BCAT1: variants seen among roughly 807,000 people sequenced by gnomAD.
The protein encoded by BCAT1 is branched-chain-amino-acid aminotransferase, cytosolic.
In BCAT1, 48 loss-of-function variants were observed where a neutral mutation model predicts 52.4. The observed-to-expected ratio is 0.92, with a 90% CI of 0.73 to 1.16. BCAT1 has a LOEUF of 1.16. Among genes scored for constraint, BCAT1 ranks in the 50% most tolerant of loss-of-function variants. The pLI, the probability that BCAT1 is intolerant of heterozygous loss-of-function variation, is 0.00. For synonymous variants in BCAT1, 167 were observed against 161.3 expected, an observed-to-expected ratio of 1.04 and a Z score of -0.27; for missense variants, 451 against 457.1, an observed-to-expected ratio of 0.99 and a Z score of 0.12.
intron 1 of BCAT1, among the ~76,000 whole-genome samples, chr12:24,941,004 C>T (rs1943839669): frequency 1.3e-5 from 2 of 152,302 alleles, no homozygotes; most frequent in Middle Eastern, 3.4e-3. Flanking sequence ...CAAAGAAAAA[C>T]ATGTTGAACA....
In BCAT1 at chr12:24,814,802, G is replaced by GTTTT. The variant is rs796259272; in HGVS notation, c.*3202_*3205dup. On this transcript the variant is annotated 3_prime_UTR_variant, in exon 11 of 11. Coordinates refer to ENST00000261192, the MANE Select transcript of BCAT1 (RefSeq NM_005504.7). ...CTACTGCCTGCCTCTGCCTCTGTTT[G>GTTTT]TTTTTTTTTTTTTTTTTTGTCTTAC... 5.3e-5 allele frequency: 3 copies of GTTTT among 56,844 alleles called. No individual in the cohort carries two copies. The highest frequency in any genetic ancestry group is 1.0e-4 in the African/African-American group (2 of 19,724). The allele number at this position is 56,844 out of a possible 1,614,324, so 3.5% of individuals were successfully genotyped here.
chr12:24,925,064 A>C (rs1243095305), intron 1 of BCAT1, among the ~76,000 whole-genome samples: 3 of 152,224 alleles, frequency 2.0e-5, no homozygotes, highest in African/African-American at 7.2e-5. Context: ...TATAGTGCCC[A>C]ATTGCTTAGA....
intron 6 of BCAT1, among the ~76,000 whole-genome samples, chr12:24,845,106 C>CG (rs1203650840): frequency 5.3e-5 from 8 of 151,078 alleles, no homozygotes; most frequent in Admixed American, 4.6e-4. Context: ...CCCACCTACT[C>CG]GGGAGGCTGA....
At chr12:24,850,533 C>T (rs1941476642) in intron 5 of BCAT1, among the ~76,000 whole-genome samples, 1 of 152,170 alleles carries the variant, frequency 6.6e-6, no homozygotes, top group Admixed American at 6.5e-5. Flanking sequence ...CCTACAGCTG[C>T]CTCATTACAT....
intron 1 of BCAT1, among the ~76,000 whole-genome samples, chr12:24,919,816 G>A (rs571083946): frequency 1.3e-5 from 2 of 152,134 alleles, no homozygotes; most frequent in Non-Finnish European, 2.9e-5. Flanking sequence ...TCATGGGGGC[G>A]GTTTCCCCCA....
chr12:24,814,430 A>C lies in BCAT1; in HGVS notation c.*3578T>G, dbSNP rs1031111716. 1 of 146,334 alleles carries C rather than the reference A, an allele frequency of 6.8e-6. No individual in the cohort carries two copies. The highest frequency in any genetic ancestry group is 1.5e-5 in the Non-Finnish European group (1 of 66,296). The allele number at this position is 146,334 out of a possible 1,614,324, so 9.1% of individuals were successfully genotyped here. Reference sequence around the variant, plus strand: ...ATATGCAACTTGAAAAAAAAAAAGGAAACAGAATATAGTGACTGAGCACTG... The same window carrying C: ...ATATGCAACTTGAAAAAAAAAAAGGCAACAGAATATAGTGACTGAGCACTG... On this transcript the variant is annotated 3_prime_UTR_variant, in exon 11 of 11. Coordinates refer to ENST00000261192, the MANE Select transcript of BCAT1 (RefSeq NM_005504.7).
chr12:24,834,667 A>G (rs1460785934), intron 8 of BCAT1: 1 of 998,468 alleles, frequency 1.0e-6, no homozygotes, highest in African/African-American at 1.7e-5. Flanking sequence ...TTGGAAGAGC[A>G]GGAAAATATA....
At chr12:24,885,632 G>A (rs78182508) in intron 3 of BCAT1, among the ~76,000 whole-genome samples, 9,051 of 152,208 alleles carry the variant, frequency 0.059, 349 homozygotes, top group Non-Finnish European at 0.079. Context: ...AAAGTAGAAG[G>A]ACCCTTCCTA....
rs116457637 is a variant in BCAT1, at chr12:24,911,105, A to C, written c.7-9220T>G. 5.5e-3 allele frequency among the ~76,000 whole-genome samples: 836 copies of C among 152,278 alleles called. 4 individuals carry two copies. The highest frequency in any genetic ancestry group is 0.018 in the African/African-American group (751 of 41,544). ...TGACAGAGTGAGACTGTCTTAAAAA[A>C]AAAAAAAAATTGAAAAAATATTAGT... On this transcript the variant is annotated intron_variant, in intron 1 of 10. Transcript: ENST00000261192.
At chr12:24,941,567 A>T (rs573129727) in intron 1 of BCAT1, among the ~76,000 whole-genome samples, 1 of 152,358 alleles carries the variant, frequency 6.6e-6, no homozygotes, top group East Asian at 1.9e-4. Context: ...TAACTCAACC[A>T]ATATCTGTAA....
chr12:24,828,034 G>A (rs775005130), intron 10 of BCAT1, among the ~76,000 whole-genome samples: 1 of 152,050 alleles, frequency 6.6e-6, no homozygotes, highest in East Asian at 1.9e-4. Context: ...TTATAGGTGT[G>A]AGCCACTGCA....
At chr12:24,926,457 T>G (rs1943588657) in intron 1 of BCAT1, among the ~76,000 whole-genome samples, 2 of 152,128 alleles carry the variant, frequency 1.3e-5, no homozygotes, top group South Asian at 4.1e-4. Flanking sequence ...GTCTGGGAGG[T>G]GTACCCAACA....
At chr12:24,887,080 A>AATATATATATATATATATATAT (rs71063368) in intron 3 of BCAT1, among the ~76,000 whole-genome samples, 3 of 40,748 alleles carry the variant, frequency 7.4e-5, no homozygotes, top group African/African-American at 2.3e-4. Flanking sequence ...AAAAAAAAAA[A>AATATATATATATATATATATAT]ATATATATAT....
Position 24,888,137 on chromosome 12 carries a change from G to A in BCAT1, c.279+6138C>T, listed in dbSNP as rs375454526. Among the ~76,000 whole-genome samples, 43 of 152,206 alleles carry A rather than the reference G, an allele frequency of 2.8e-4. No individual in the cohort carries two copies. In the East Asian group the frequency reaches 3.5e-3, roughly 12 times the overall value. On this transcript the variant is annotated intron_variant, in intron 3 of 10. Coordinates refer to ENST00000261192, the MANE Select transcript of BCAT1 (RefSeq NM_005504.7). ...AGCCTGAAACATAAATGGACTAGAT[G>A]TTTCACCACAATATTTGGGAAGAAA...
In BCAT1 at chr12:24,898,601, C is replaced by T. The variant is rs570831519; in HGVS notation, c.78+3213G>A. Among the ~76,000 whole-genome samples, 6 of 143,346 alleles carry T rather than the reference C, an allele frequency of 4.2e-5. No homozygotes were observed. In the East Asian group the frequency reaches 8.7e-4, roughly 21 times the overall value. The allele number at this position is 143,346 out of a possible 152,430, so 94.0% of individuals were successfully genotyped here. A position where few individuals can be genotyped will look rare whatever the true frequency, so the allele number is the denominator to read the frequency against. On this transcript the variant is annotated intron_variant, in intron 2 of 10. Transcript: ENST00000261192. ...CACAATCTCGGCTCGCTGCAACCTCCGCCTCCCCGGTTCAAGCAAGTCTCA... is the reference window on the plus strand; with the variant it reads ...CACAATCTCGGCTCGCTGCAACCTCTGCCTCCCCGGTTCAAGCAAGTCTCA...
intron 1 of BCAT1, among the ~76,000 whole-genome samples, chr12:24,939,734 G>A (rs1943820611): frequency 6.6e-6 from 1 of 152,188 alleles, no homozygotes; most frequent in African/African-American, 2.4e-5. Flanking sequence ...CTACTCGGGA[G>A]GCTGAGGAGA....
chr12:24,911,500 GT>G lies in BCAT1; in HGVS notation c.7-9616del, dbSNP rs371626945. On this transcript the variant is annotated intron_variant, in intron 1 of 10. Transcript: ENST00000261192. ...AATGAGCACGTGCCAATCTATGTGA[GT>G]TAAATACAAATACAGTTTAATCTTT... Among the ~76,000 whole-genome samples the G allele has an allele frequency of 2.4e-4, 36 of 152,366 alleles. 1 individual carries two copies. Among genetic ancestry groups the G allele is most frequent in the African/African-American group, 8.4e-4 (35 of 41,594 alleles).
chr12:24,888,388 A>G (rs1942742488), intron 3 of BCAT1, among the ~76,000 whole-genome samples: 1 of 152,172 alleles, frequency 6.6e-6, no homozygotes. Context: ...AATCCCAGCT[A>G]CCTGGGAGGC....
chr12:24,912,613 A>G (rs763714806), intron 1 of BCAT1, among the ~76,000 whole-genome samples: 1 of 151,522 alleles, frequency 6.6e-6, no homozygotes, highest in Non-Finnish European at 1.5e-5. Context: ...GTCTGTAATC[A>G]CAGCACTTTG....
Sources: gnomAD v4.1 joint callset for allele counts (sites outside exome capture counted in the v4.1 genomes callset) on GRCh38, gnomAD v4.1.1 for gene constraint, MANE v1.5 for transcripts, NCBI Gene and HGNC (gene_info 2026-07-23, HGNC 2026-07-21) for gene names.